Variants in TENM3 observed in about 807,000 individuals in gnomAD.
The protein encoded by TENM3 is teneurin transmembrane protein 3, also known as teneurin-3.
A neutral mutation model predicts 255.1 loss-of-function variants in TENM3; 63 were observed. The ratio of observed to expected loss-of-function variants is 0.25; its 90% CI spans 0.20 to 0.30. The LOEUF is 0.30. Among genes scored for constraint, TENM3 ranks in the 10% least tolerant of loss-of-function variants. TENM3 has a pLI of 1.00. For synonymous variants in TENM3, 1,306 were observed against 1,322.3 expected, an observed-to-expected ratio of 0.99 and a Z score of 0.27; for missense variants, 2,929 against 3,461.1, an observed-to-expected ratio of 0.85 and a Z score of 3.86.
chr4:181,947,066 A>G, the TENM3 span, among the ~76,000 whole-genome samples: 2 of 152,210 alleles, frequency 1.3e-5, no homozygotes, highest in African/African-American at 4.8e-5. Flanking sequence ...AATGGGCTTC[A>G]TAATAACCAT....
chr4:182,550,350 A>T (rs971446760), intron 3 of TENM3, among the ~76,000 whole-genome samples: 1 of 152,264 alleles, frequency 6.6e-6, no homozygotes, highest in Non-Finnish European at 1.5e-5. Flanking sequence ...TGTAATCCAC[A>T]GAATAATTAC....
chr4:181,454,846 T>C, the TENM3 span, among the ~76,000 whole-genome samples: 1 of 151,988 alleles, frequency 6.6e-6, no homozygotes, highest in African/African-American at 2.4e-5. Flanking sequence ...CAGTTCTACC[T>C]ACTTTTGTAT....
intron 12 of TENM3, among the ~76,000 whole-genome samples, chr4:182,699,970 C>G (rs1288013219): frequency 1.3e-5 from 2 of 151,836 alleles, no homozygotes; most frequent in African/African-American, 4.8e-5. Flanking sequence ...TCATCAGAAG[C>G]CTTTTATTGA....
intron 1 of TENM3, among the ~76,000 whole-genome samples, chr4:182,202,027 C>G (rs962733737): frequency 2.0e-5 from 3 of 152,178 alleles, no homozygotes; most frequent in Admixed American, 2.0e-4. Context: ...AATATGTAAA[C>G]AAAAACCCTT....
chr4:181,651,601 A>AT, the TENM3 span, among the ~76,000 whole-genome samples: 7 of 152,208 alleles, frequency 4.6e-5, no homozygotes, highest in African/African-American at 1.7e-4. Flanking sequence ...AAAAAAAAAA[A>AT]AATTCCAACC....
At chr4:182,248,498 CAT>C (rs139320327) in intron 1 of TENM3, among the ~76,000 whole-genome samples, 2,104 of 152,176 alleles carry the variant, frequency 0.014, 38 homozygotes, top group African/African-American at 0.048. Context: ...AAAGTGATGA[CAT>C]GTGGTATTTT....
intron 1 of TENM3, among the ~76,000 whole-genome samples, chr4:182,153,831 T>A (rs1006799523): frequency 6.6e-6 from 1 of 152,160 alleles, no homozygotes; most frequent in East Asian, 1.9e-4. Context: ...CATGAATGTA[T>A]CACGTATTTC....
At chr4:181,478,017 T>G in the TENM3 span, among the ~76,000 whole-genome samples, 1 of 152,168 alleles carries the variant, frequency 6.6e-6, no homozygotes, top group Non-Finnish European at 1.5e-5. Context: ...ATGAATTGGA[T>G]TATATGAAAA....
the TENM3 span, among the ~76,000 whole-genome samples, chr4:181,599,342 T>TA: frequency 3.9e-5 from 6 of 152,092 alleles, no homozygotes; most frequent in South Asian, 2.1e-4. Context: ...AATGCCACAT[T>TA]AAAAAACGGA....
At chr4:182,626,155 A>C (rs1282275387) in intron 4 of TENM3, among the ~76,000 whole-genome samples, 2 of 152,192 alleles carry the variant, frequency 1.3e-5, no homozygotes, top group Non-Finnish European at 2.9e-5. Flanking sequence ...AAAAGCCTAA[A>C]ATATTTACTC....
the TENM3 span, among the ~76,000 whole-genome samples, chr4:181,894,574 T>C: frequency 1.3e-5 from 2 of 152,204 alleles, no homozygotes; most frequent in Non-Finnish European, 2.9e-5. Flanking sequence ...ATCGTATTTA[T>C]AAAGAGAAGA....
At chr4:182,798,159 C>T (rs1766632885) in intron 27 of TENM3, among the ~76,000 whole-genome samples, 1 of 152,120 alleles carries the variant, frequency 6.6e-6, no homozygotes, top group Admixed American at 6.5e-5. Context: ...AGGCACGTGC[C>T]ACCACACCCA....
At chr4:182,073,279 G>A in the TENM3 span, among the ~76,000 whole-genome samples, 1 of 152,126 alleles carries the variant, frequency 6.6e-6, no homozygotes, top group South Asian at 2.1e-4. Context: ...GAACAGCATG[G>A]GGGAAACCAG....
rs543673387 is a variant in TENM3 at position 182,695,671 on chromosome 4, G to T, written c.2221+7320G>T. Among the ~76,000 whole-genome samples the T allele has an allele frequency of 2.0e-5, 3 of 152,210 alleles. No homozygotes were observed. The East Asian group carries it at 5.8e-4, about 29-fold the overall frequency. On this transcript the variant is annotated intron_variant, in intron 12 of 27. Coordinates refer to ENST00000511685, the MANE Select transcript of TENM3 (RefSeq NM_001080477.4). ...AGATGAAGATACGACTTTGTCCTGT[G>T]GAGCTCTGCACCAGAAGCAAGTAGG...
the TENM3 span, among the ~76,000 whole-genome samples, chr4:181,470,026 T>C: frequency 6.6e-5 from 10 of 151,500 alleles, no homozygotes; most frequent in Admixed American, 6.6e-5. Context: ...AACATTTTCC[T>C]TCCCAACATG....
the TENM3 span, among the ~76,000 whole-genome samples, chr4:182,021,787 T>C: frequency 6.6e-6 from 1 of 152,164 alleles, no homozygotes; most frequent in African/African-American, 2.4e-5. Context: ...GTGTAAATAG[T>C]AGTCAATCTT....
At chr4:181,939,028 C>A in the TENM3 span, among the ~76,000 whole-genome samples, 28 of 151,884 alleles carry the variant, frequency 1.8e-4, no homozygotes, top group African/African-American at 6.0e-4. Context: ...GCTATAAAGA[C>A]AACTCTATTT....
the TENM3 span, among the ~76,000 whole-genome samples, chr4:181,612,490 A>ATGTG: frequency 0.022 from 3,308 of 148,416 alleles, 71 homozygotes; most frequent in African/African-American, 0.049. Context: ...TTTGGTTAAG[A>ATGTG]TGTGTGTGTG....
intron 1 of TENM3, among the ~76,000 whole-genome samples, chr4:182,165,069 T>C (rs1416572303): frequency 6.6e-6 from 1 of 152,156 alleles, no homozygotes; most frequent in Non-Finnish European, 1.5e-5. Context: ...ACATAGGAAA[T>C]AAGTTTTAAA....
Sources: allele counts gnomAD v4.1 joint callset (sites outside exome capture counted in the v4.1 genomes callset), GRCh38; gene constraint gnomAD v4.1.1; transcripts MANE v1.5; gene names NCBI Gene and HGNC (gene_info 2026-07-23, HGNC 2026-07-21).